COL5A2: variants seen among roughly 807,000 people sequenced by gnomAD.
The protein encoded by COL5A2 is collagen type V alpha 2 chain.
In COL5A2, 23 loss-of-function variants were observed where a neutral mutation model predicts 208.2. The observed-to-expected ratio is 0.11, with a 90% CI of 0.08 to 0.16. The LOEUF is 0.16. COL5A2 is among the 10% of genes least tolerant of loss of function. The pLI, the probability that COL5A2 is intolerant of heterozygous loss-of-function variation, is 1.00. For missense variants in COL5A2, 1,590 were observed against 1,956.4 expected (o/e 0.81, Z 3.53); for synonymous variants, 625 against 628.5 (o/e 0.99, Z 0.08).
At chr2:189,197,263 C>T (rs1469711950) in intron 1 of COL5A2, among the ~76,000 whole-genome samples, 1 of 151,928 alleles carries the variant, frequency 6.6e-6, no homozygotes, top group African/African-American at 2.4e-5. Flanking sequence ...AGGGGAACAA[C>T]ACACACCGGG....
intron 1 of COL5A2, among the ~76,000 whole-genome samples, chr2:189,121,231 T>C (rs1687493972): frequency 6.6e-6 from 1 of 152,138 alleles, no homozygotes; most frequent in East Asian, 1.9e-4. Context: ...TGCTTTTTTT[T>C]CAAGTGAGAA....
intron 1 of COL5A2, among the ~76,000 whole-genome samples, chr2:189,127,203 A>G (rs931868570): frequency 1.3e-5 from 2 of 152,082 alleles, no homozygotes; most frequent in Non-Finnish European, 2.9e-5. Flanking sequence ...AGACAAAAAA[A>G]AGGAAAGCAA....
chr2:189,346,614 T>C, the COL5A2 span, among the ~76,000 whole-genome samples: 1 of 152,232 alleles, frequency 6.6e-6, no homozygotes, highest in African/African-American at 2.4e-5. Flanking sequence ...TATATGACTA[T>C]GTACAGATAT....
chr2:189,395,260 G>A, the COL5A2 span, among the ~76,000 whole-genome samples: 1 of 152,094 alleles, frequency 6.6e-6, no homozygotes, highest in Non-Finnish European at 1.5e-5. Flanking sequence ...TTTGGACAAA[G>A]ATAATGTTTA....
chr2:189,086,869 GT>G (rs1321790719), intron 8 of COL5A2, 99 bp from the exon 9 acceptor site: 1 of 1,039,106 alleles, frequency 9.6e-7, no homozygotes, highest in Non-Finnish European at 1.5e-6. Context: ...GAAAAGTGAA[GT>G]TTTGACAAAG....
At chr2:189,351,170 C>T in the COL5A2 span, among the ~76,000 whole-genome samples, 3 of 152,180 alleles carry the variant, frequency 2.0e-5, no homozygotes, top group Non-Finnish European at 4.4e-5. Flanking sequence ...GTTAACTACA[C>T]ATCCTCTGTT....
the COL5A2 span, among the ~76,000 whole-genome samples, chr2:189,425,573 T>G: frequency 6.6e-6 from 1 of 152,204 alleles, no homozygotes; most frequent in African/African-American, 2.4e-5. Context: ...GAGGACATTA[T>G]GCAAAGTGAA....
chr2:189,235,894 A>T, the COL5A2 span, among the ~76,000 whole-genome samples: 1 of 151,446 alleles, frequency 6.6e-6, no homozygotes, highest in Non-Finnish European at 1.5e-5. Context: ...ATTGTGCCCA[A>T]ATGGTTTGTA....
the COL5A2 span, among the ~76,000 whole-genome samples, chr2:189,323,026 C>G: frequency 6.6e-6 from 1 of 152,246 alleles, no homozygotes; most frequent in East Asian, 1.9e-4. Flanking sequence ...ATACACAAAT[C>G]AATAAACGTA....
the COL5A2 span, among the ~76,000 whole-genome samples, chr2:189,310,056 T>C: frequency 6.6e-6 from 1 of 152,196 alleles, no homozygotes; most frequent in Non-Finnish European, 1.5e-5. Context: ...TATACATAAA[T>C]AATGAGCTTA....
At chr2:189,068,502 T>C (rs1209669964) in intron 19 of COL5A2, among the ~76,000 whole-genome samples, 2 of 152,228 alleles carry the variant, frequency 1.3e-5, no homozygotes, top group East Asian at 3.9e-4. Context: ...TAAGCACTCA[T>C]TCAGAATTCA....
At chr2:189,279,336 T>C in the COL5A2 span, among the ~76,000 whole-genome samples, 3 of 151,934 alleles carry the variant, frequency 2.0e-5, no homozygotes, top group Non-Finnish European at 4.4e-5. Flanking sequence ...TTCTAGATGA[T>C]AGCAAAGAGA....
chr2:189,282,207 T>C, the COL5A2 span, among the ~76,000 whole-genome samples: 1 of 151,798 alleles, frequency 6.6e-6, no homozygotes. Flanking sequence ...TAAATATATA[T>C]ATATATCCAT....
the COL5A2 span, among the ~76,000 whole-genome samples, chr2:189,329,028 T>G: frequency 6.6e-6 from 1 of 152,216 alleles, no homozygotes; most frequent in Non-Finnish European, 1.5e-5. Context: ...TGCACTCTCA[T>G]GTTCACTGCA....
chr2:189,215,684 A>G (rs1038975567), intron 1 of COL5A2, among the ~76,000 whole-genome samples: 1 of 152,114 alleles, frequency 6.6e-6, no homozygotes, highest in Non-Finnish European at 1.5e-5. Context: ...TACAGTGTTA[A>G]ATTCATATCT....
chr2:189,435,703 G>A, the COL5A2 span, among the ~76,000 whole-genome samples: 5 of 152,122 alleles, frequency 3.3e-5, no homozygotes, highest in East Asian at 1.9e-4. Flanking sequence ...ATGTGGAGAA[G>A]TAGGAACACT....
chr2:189,168,838 T>G (rs1239791711), intron 1 of COL5A2, among the ~76,000 whole-genome samples: 1 of 152,190 alleles, frequency 6.6e-6, no homozygotes, highest in African/African-American at 2.4e-5. Flanking sequence ...CCTTCCAAGT[T>G]AAACCCATCA....
the COL5A2 span, among the ~76,000 whole-genome samples, chr2:189,411,623 G>A: frequency 6.6e-6 from 1 of 150,444 alleles, no homozygotes; most frequent in Non-Finnish European, 1.5e-5. Flanking sequence ...TGGAACTATA[G>A]CAGTAAGAAG....
chr2:189,245,359 T>C, the COL5A2 span, among the ~76,000 whole-genome samples: 1 of 152,184 alleles, frequency 6.6e-6, no homozygotes, highest in Non-Finnish European at 1.5e-5. Context: ...AGATAAAATC[T>C]AATATCTGGA....
Sources: allele counts gnomAD v4.1 joint callset (sites outside exome capture counted in the v4.1 genomes callset), GRCh38; gene constraint gnomAD v4.1.1; transcripts MANE v1.5; gene names NCBI Gene and HGNC (gene_info 2026-07-23, HGNC 2026-07-21).